The following TRIM71 variants were observed in gnomAD, a reference collection of about 807,000 sequenced individuals.
The protein encoded by TRIM71 is tripartite motif containing 71, also known as E3 ubiquitin-protein ligase TRIM71.
Under a neutral mutation model 61.2 loss-of-function variants are expected in TRIM71, and 9 were observed. That is an observed-to-expected ratio of 0.15 (90% CI 0.09 to 0.26). TRIM71 has a LOEUF of 0.26. Ranked by LOEUF, TRIM71 falls within the 10% of genes least tolerant of loss-of-function variation. The probability of loss-of-function intolerance (pLI) is 1.00; values close to 1 mark genes in which losing one functional copy is unlikely to be tolerated. For synonymous variants in TRIM71, 645 were observed against 553.2 expected (o/e 1.17, Z -2.33); for missense variants, 998 against 1,238.7 (o/e 0.81, Z 2.92).
At chr3:32,848,928 C>G (rs900058982) in intron 1 of TRIM71, among the ~76,000 whole-genome samples, 2 of 152,198 alleles carry the variant, frequency 1.3e-5, no homozygotes, top group Non-Finnish European at 2.9e-5. Flanking sequence ...CCCAATCCCT[C>G]ACCCCTATTC....
At position 32,890,501 on chromosome 3, in the gene TRIM71, G is replaced by A; in HGVS notation, c.1297G>A (p.Ala433Thr). The change falls in exon 4 of 4, where the codon GCC becomes ACC. Residue 433 changes from alanine (A) to threonine (T), a missense_variant. Ala to Thr is a moderately conservative substitution (Grantham distance 58). This residue lies in a region of TRIM71 where 291 missense variants were observed against 431.2 expected (regional missense o/e 0.67). Coordinates refer to ENST00000383763, the MANE Select transcript of TRIM71 (RefSeq NM_001039111.3). This position sits in a 1 kb window ranked among gnomAD's most constrained non-coding sequence, Gnocchi z 6.2. ...EEGRALDILL[A>T]RDRMLAQVQE... ...GGGTAGAGCGCTAGACATCCTACTG[G>A]CCCGAGACCGGATGCTGGCCCAGGT... The A allele has an allele frequency of 1.2e-6, 2 of 1,614,186 alleles. No homozygotes were observed. The highest frequency in any genetic ancestry group is 1.7e-6 in the Non-Finnish European group (2 of 1,180,044).
At chr3:32,840,530 G>A (rs1447213039) in intron 1 of TRIM71, among the ~76,000 whole-genome samples, 1 of 152,148 alleles carries the variant, frequency 6.6e-6, no homozygotes, top group African/African-American at 2.4e-5. Flanking sequence ...TGCCTTCTGT[G>A]TTTATAAGGT....
At chr3:32,880,605 C>T (rs1329181982) in intron 2 of TRIM71, among the ~76,000 whole-genome samples, 1 of 152,152 alleles carries the variant, frequency 6.6e-6, no homozygotes, top group African/African-American at 2.4e-5. Flanking sequence ...AGAATCTACC[C>T]TGGTGAGTGT....
chr3:32,874,135 CT>C, intron 2 of TRIM71, 150 bp downstream of exon 2: 2 of 772,302 alleles, frequency 2.6e-6, no homozygotes, highest in Non-Finnish European at 3.9e-6. Context: ...GCAGCGGTCC[CT>C]TTAGGGGTTC....
chr3:32,828,770 A>G (rs1696233202), intron 1 of TRIM71, among the ~76,000 whole-genome samples: 1 of 152,144 alleles, frequency 6.6e-6, no homozygotes, highest in Non-Finnish European at 1.5e-5. Flanking sequence ...AAGTGCTGGG[A>G]TTACAGGCGT....
chr3:32,860,634 A>T (rs868230537), intron 1 of TRIM71, among the ~76,000 whole-genome samples: 1 of 151,864 alleles, frequency 6.6e-6, no homozygotes, highest in African/African-American at 2.4e-5. Flanking sequence ...AGGTGGGACG[A>T]CTCTTAACCT....
At chr3:32,887,245 A>G (rs1479632077) in intron 3 of TRIM71, among the ~76,000 whole-genome samples, 1 of 152,058 alleles carries the variant, frequency 6.6e-6, no homozygotes, top group Non-Finnish European at 1.5e-5. Context: ...TGTGAGGCTG[A>G]CCCACTGTCC....
rs370464744 is a variant in TRIM71 at position 32,846,221 on chromosome 3, G to A, written c.852+27289G>A. On this transcript the variant is annotated intron_variant, in intron 1 of 3. Coordinates refer to ENST00000383763, the MANE Select transcript of TRIM71 (RefSeq NM_001039111.3). The stretch of plus-strand genomic sequence containing the variant: ...CTCCTGAGTAGCTGGGACTACAGGC[G>A]CCTACCACCATGCCTGGCTAATTTT... 2.0e-4 allele frequency among the ~76,000 whole-genome samples: 30 copies of A among 151,590 alleles called. 1 individual carries two copies. The South Asian group carries it at 4.0e-3, about 20-fold the overall frequency.
rs191310743 is a variant in TRIM71 at position 32,845,608 on chromosome 3, A to T, written c.852+26676A>T. On this transcript the variant is annotated intron_variant, in intron 1 of 3. Coordinates refer to ENST00000383763, the MANE Select transcript of TRIM71 (RefSeq NM_001039111.3). ...ATGAGATCATATGATATTATAAGCC[A>T]GTTGTATGTATTGTTAATGACAGTA... is the stretch of plus-strand genomic sequence containing the variant. 4.3e-3 allele frequency among the ~76,000 whole-genome samples: 659 copies of T among 152,290 alleles called. 5 individuals carry two copies. Among genetic ancestry groups the T allele is most frequent in the African/African-American group, 0.015 (628 of 41,570 alleles).
intron 1 of TRIM71, among the ~76,000 whole-genome samples, chr3:32,863,194 C>CTT (rs1559545534): frequency 1.9e-4 from 22 of 117,706 alleles, no homozygotes; most frequent in African/African-American, 7.2e-4. Flanking sequence ...ATTAATTGAA[C>CTT]CTTTTTTTTT....
chr3:32,862,525 C>T (rs536246255), intron 1 of TRIM71, among the ~76,000 whole-genome samples: 1 of 152,194 alleles, frequency 6.6e-6, no homozygotes, highest in Non-Finnish European at 1.5e-5. Flanking sequence ...TACATGGCCA[C>T]CTACAGAGTC....
chr3:32,855,983 C>CT (rs1220159439), intron 1 of TRIM71, among the ~76,000 whole-genome samples: 4 of 150,610 alleles, frequency 2.7e-5, no homozygotes, highest in Non-Finnish European at 4.4e-5. Flanking sequence ...CTAGTTTTCT[C>CT]TAATAGTTTT....
At chr3:32,830,103 A>G (rs995739406) in intron 1 of TRIM71, among the ~76,000 whole-genome samples, 1 of 151,858 alleles carries the variant, frequency 6.6e-6, no homozygotes, top group African/African-American at 2.4e-5. Context: ...TTGTATTTTT[A>G]GTAGAGATGG....
chr3:32,854,051 C>T (rs1696569729), intron 1 of TRIM71, among the ~76,000 whole-genome samples: 3 of 151,874 alleles, frequency 2.0e-5, no homozygotes, highest in African/African-American at 2.4e-5. Context: ...CCCCTTTGGG[C>T]GATCTTGGCT....
At chr3:32,829,033 G>A (rs150780169) in intron 1 of TRIM71, among the ~76,000 whole-genome samples, 9 of 148,170 alleles carry the variant, frequency 6.1e-5, no homozygotes, top group East Asian at 2.0e-4. Flanking sequence ...TCCCTCTGTC[G>A]CCCAGGCTGG....
chr3:32,851,581 C>T (rs1164448508), intron 1 of TRIM71, among the ~76,000 whole-genome samples: 1 of 152,102 alleles, frequency 6.6e-6, no homozygotes, highest in Non-Finnish European at 1.5e-5. Flanking sequence ...CAGGTTCAAG[C>T]GATTTTCCTG....
At chr3:32,871,491 C>T (rs762121807) in intron 1 of TRIM71, among the ~76,000 whole-genome samples, 10 of 152,186 alleles carry the variant, frequency 6.6e-5, no homozygotes, top group Non-Finnish European at 1.5e-4. Context: ...TCACACTTCA[C>T]ATCAGCATAG....
intron 1 of TRIM71, among the ~76,000 whole-genome samples, chr3:32,865,815 CTTTTTTTT>C (rs139123002): frequency 1.8e-4 from 3 of 16,290 alleles, no homozygotes; most frequent in African/African-American, 6.0e-4. Flanking sequence ...CCCGCCCCAC[CTTTTTTTT>C]TTTTTTTTTT....
At chr3:32,858,755 A>C (rs1029611301) in intron 1 of TRIM71, among the ~76,000 whole-genome samples, 3 of 152,188 alleles carry the variant, frequency 2.0e-5, no homozygotes, top group African/African-American at 7.2e-5. Flanking sequence ...CCTGACTTTA[A>C]GTGATAGACA....
Sources: allele counts gnomAD v4.1 joint callset (sites outside exome capture counted in the v4.1 genomes callset), GRCh38; gene constraint gnomAD v4.1.1; regional missense constraint gnomAD v4.1.1; non-coding constraint Gnocchi (gnomAD v3.1); transcripts MANE v1.5; gene names NCBI Gene and HGNC (gene_info 2026-07-23, HGNC 2026-07-21).